PTPRD: variants seen among roughly 807,000 people sequenced by gnomAD.
PTPRD encodes protein tyrosine phosphatase receptor type D, also known as receptor-type tyrosine-protein phosphatase delta.
PTPRD carries 34 observed loss-of-function variants against 214.5 expected under a neutral mutation model. The ratio of observed to expected loss-of-function variants is 0.16; its 90% CI spans 0.12 to 0.21. The LOEUF is 0.21. Ranked by LOEUF, PTPRD falls within the 10% of genes least tolerant of loss-of-function variation. The pLI, the probability that PTPRD is intolerant of heterozygous loss-of-function variation, is 1.00. For synonymous variants in PTPRD, 1,128 were observed against 845.7 expected (o/e 1.33, Z -5.79); for missense variants, 2,545 against 2,398.7 (o/e 1.06, Z -1.27).
intron 9 of PTPRD, among the ~76,000 whole-genome samples, chr9:9,349,072 T>C (rs1569567598): frequency 6.6e-6 from 1 of 152,146 alleles, no homozygotes; most frequent in Non-Finnish European, 1.5e-5. Context: ...CATAGTGCCA[T>C]TGTGAAGAGG....
At chr9:8,756,007 G>T (rs1174450950) in intron 11 of PTPRD, among the ~76,000 whole-genome samples, 3 of 152,188 alleles carry the variant, frequency 2.0e-5, no homozygotes, top group Non-Finnish European at 4.4e-5. Flanking sequence ...GTGTGTAGAA[G>T]AGGAAAATAT....
intron 8 of PTPRD, among the ~76,000 whole-genome samples, chr9:9,555,433 G>A (rs1035687558): frequency 6.6e-6 from 1 of 152,032 alleles, no homozygotes; most frequent in Non-Finnish European, 1.5e-5. Flanking sequence ...ACCCTGTAGA[G>A]TGATTCCCTA....
chr9:8,320,136 G>C (rs1214732105), intron 44 of PTPRD, among the ~76,000 whole-genome samples, 170 bp from the exon 45 acceptor site: 9 of 152,098 alleles, frequency 5.9e-5, no homozygotes, highest in African/African-American at 2.2e-4. Flanking sequence ...GGGATACTGA[G>C]TTGTAACAGC....
At chr9:10,400,173 A>G (rs2154495275) in intron 2 of PTPRD, among the ~76,000 whole-genome samples, 1 of 151,952 alleles carries the variant, frequency 6.6e-6, no homozygotes, top group South Asian at 2.1e-4. Flanking sequence ...GGTCAACTGA[A>G]GTCTGTGTGA....
intron 8 of PTPRD, among the ~76,000 whole-genome samples, chr9:9,526,159 T>A (rs151327310): frequency 2.0e-5 from 3 of 152,370 alleles, no homozygotes; most frequent in African/African-American, 7.2e-5. Context: ...TACAGTTATG[T>A]TGAGTGTGTC....
At chr9:9,713,799 T>C (rs1335819641) in intron 7 of PTPRD, among the ~76,000 whole-genome samples, 1 of 152,124 alleles carries the variant, frequency 6.6e-6, no homozygotes, top group Non-Finnish European at 1.5e-5. Context: ...CTCAATAAAA[T>C]TATGGCCACT....
intron 11 of PTPRD, among the ~76,000 whole-genome samples, chr9:8,783,406 C>T (rs370391055): frequency 7.9e-5 from 12 of 152,214 alleles, no homozygotes; most frequent in African/African-American, 2.4e-4. Context: ...GAAGTCATTA[C>T]GGTTTATTTT....
chr9:9,929,255 T>A (rs1249170614), intron 5 of PTPRD, among the ~76,000 whole-genome samples: 1 of 152,224 alleles, frequency 6.6e-6, no homozygotes, highest in Non-Finnish European at 1.5e-5. Flanking sequence ...AAAATGCTTA[T>A]ATTCACAAAC....
At chr9:9,882,502 G>T (rs116746060) in intron 5 of PTPRD, among the ~76,000 whole-genome samples, 3,736 of 152,080 alleles carry the variant, frequency 0.025, 120 homozygotes, top group African/African-American at 0.08. Flanking sequence ...TTATAAAAGG[G>T]CTCTACTTTA....
At chr9:10,284,596 G>A (rs1283823917) in intron 3 of PTPRD, among the ~76,000 whole-genome samples, 1 of 152,132 alleles carries the variant, frequency 6.6e-6, no homozygotes, top group African/African-American at 2.4e-5. Context: ...GTTCTTGTGG[G>A]TCAGAAATAT....
intron 5 of PTPRD, among the ~76,000 whole-genome samples, chr9:9,917,407 A>T (rs954899222): frequency 6.7e-6 from 1 of 148,486 alleles, no homozygotes; most frequent in East Asian, 2.0e-4. Flanking sequence ...AGAGACCACC[A>T]TGAACAACTA....
intron 3 of PTPRD, among the ~76,000 whole-genome samples, chr9:10,149,271 T>A (rs766982246): frequency 1.6e-4 from 24 of 152,140 alleles, no homozygotes; most frequent in Non-Finnish European, 2.9e-4. Flanking sequence ...AAACATAACA[T>A]CAACAACTCA....
intron 7 of PTPRD, among the ~76,000 whole-genome samples, chr9:9,587,153 C>T (rs904245391): frequency 6.6e-6 from 1 of 151,944 alleles, no homozygotes; most frequent in East Asian, 1.9e-4. Context: ...GAATCAACTT[C>T]AGGCTTCTAC....
At chr9:9,440,267 C>A (rs969005833) in intron 8 of PTPRD, among the ~76,000 whole-genome samples, 8 of 152,128 alleles carry the variant, frequency 5.3e-5, no homozygotes, top group Admixed American at 2.0e-4. Context: ...TTTGTGTACG[C>A]ACAAGAAATT....
chr9:9,450,950 TACACACAC>T (rs145703989), intron 8 of PTPRD, among the ~76,000 whole-genome samples: 59 of 136,684 alleles, frequency 4.3e-4, no homozygotes, highest in African/African-American at 1.3e-3. Flanking sequence ...CATACATACA[TACACACAC>T]ACACACACAC....
chr9:9,900,877 C>T (rs959762093), intron 5 of PTPRD, among the ~76,000 whole-genome samples: 5 of 151,984 alleles, frequency 3.3e-5, no homozygotes, highest in East Asian at 1.9e-4. Flanking sequence ...CCTCATGATC[C>T]GCCCACATTG....
At chr9:9,245,179 A>G (rs2099972436) in intron 9 of PTPRD, among the ~76,000 whole-genome samples, 1 of 152,172 alleles carries the variant, frequency 6.6e-6, no homozygotes, top group East Asian at 1.9e-4. Flanking sequence ...ACACTTTTAC[A>G]CTGTTGGTGG....
chr9:8,898,449 A>C (rs543577968), intron 11 of PTPRD, among the ~76,000 whole-genome samples: 1 of 152,158 alleles, frequency 6.6e-6, no homozygotes, highest in Non-Finnish European at 1.5e-5. Flanking sequence ...CTTGGTGATT[A>C]TTTATACAAT....
At chr9:8,931,983 G>T (rs2098956043) in intron 11 of PTPRD, among the ~76,000 whole-genome samples, 1 of 152,152 alleles carries the variant, frequency 6.6e-6, no homozygotes, top group South Asian at 2.1e-4. Context: ...ATGGTAGTTT[G>T]TATTTCTTTG....
Sources: allele counts gnomAD v4.1 joint callset (sites outside exome capture counted in the v4.1 genomes callset), GRCh38; gene constraint gnomAD v4.1.1; transcripts MANE v1.5; gene names NCBI Gene and HGNC (gene_info 2026-07-23, HGNC 2026-07-21).